MAGI1: variants seen among roughly 807,000 people sequenced by gnomAD.
MAGI1 encodes the protein membrane associated guanylate kinase, WW and PDZ domain containing 1, also known as membrane-associated guanylate kinase, WW and PDZ domain-containing protein 1.
In MAGI1, 58 loss-of-function variants were observed where a neutral mutation model predicts 139.9. The observed-to-expected ratio is 0.41, with a 90% confidence interval of 0.34 to 0.52. The LOEUF (loss-of-function observed/expected upper bound fraction) is 0.52, where lower values mean the gene tolerates loss of function less well. MAGI1 is among the 20% of genes least tolerant of loss of function. The probability of loss-of-function intolerance (pLI) is 0.12; values close to 1 mark genes in which losing one functional copy is unlikely to be tolerated. For missense variants in MAGI1, 1,874 were observed against 1,901.6 expected (o/e 0.99, Z 0.27); for synonymous variants, 812 against 737.9 (o/e 1.10, Z -1.63).
chr3:65,979,765 T>C (rs2065470170), intron 1 of MAGI1, among the ~76,000 whole-genome samples: 1 of 152,168 alleles, frequency 6.6e-6, no homozygotes, highest in African/African-American at 2.4e-5. Context: ...TAATAGGACA[T>C]GCCAATTACT....
chr3:66,011,134 ACCTTT>A (rs1488102238), intron 1 of MAGI1, among the ~76,000 whole-genome samples: 1 of 152,162 alleles, frequency 6.6e-6, no homozygotes, highest in Non-Finnish European at 1.5e-5. Flanking sequence ...AAAAGAATTT[ACCTTT>A]CCTTTCAACT....
intron 1 of MAGI1, among the ~76,000 whole-genome samples, chr3:65,960,605 T>C (rs1378044798): frequency 1.3e-5 from 2 of 152,178 alleles, no homozygotes; most frequent in Non-Finnish European, 2.9e-5. Flanking sequence ...AAGTGCGTAA[T>C]CCTAATTTAA....
rs145193678 is a variant in MAGI1 at position 65,563,694 on chromosome 3, C to G, written c.430+58278G>C. ...GAACCCAGACTTAGCCACTTAGTAG[C>G]AGAGTAACCCTGGGTAAGGTTACTC... On this transcript the variant is annotated intron_variant, in intron 2 of 22. Transcript: ENST00000402939. Among the ~76,000 whole-genome samples the G allele has an allele frequency of 6.4e-3, 972 of 152,208 alleles. 11 individuals are homozygous for G. The highest frequency in any genetic ancestry group is 0.022 in the African/African-American group (934 of 41,544).
At chr3:65,408,736 G>C (rs1247918344) in intron 12 of MAGI1, among the ~76,000 whole-genome samples, 1 of 152,138 alleles carries the variant, frequency 6.6e-6, no homozygotes, top group Admixed American at 6.5e-5. Context: ...CCAATAAAAA[G>C]CTAACGACAG....
At chr3:65,855,620 A>AGAGAGGGGAGGGGAGAGGGGAGGG (rs1559946806) in intron 1 of MAGI1, among the ~76,000 whole-genome samples, 6 of 6,898 alleles carry the variant, frequency 8.7e-4, no homozygotes, top group Admixed American at 2.0e-3. Context: ...GATGGGGAGG[A>AGAGAGGGGAGGGGAGAGGGGAGGG]GAGAGGGGAG....
At chr3:65,437,620 G>A (rs578199603) in intron 9 of MAGI1, among the ~76,000 whole-genome samples, 1 of 152,208 alleles carries the variant, frequency 6.6e-6, no homozygotes, top group African/African-American at 2.4e-5. Context: ...GCTTGTCTTA[G>A]GTAGGGAGGA....
intron 2 of MAGI1, among the ~76,000 whole-genome samples, chr3:65,605,882 C>T (rs1246227060): frequency 6.6e-6 from 1 of 152,092 alleles, no homozygotes; most frequent in Non-Finnish European, 1.5e-5. Context: ...CCACTTCTAC[C>T]CACAACCCAG....
At chr3:65,778,939 G>T (rs893086715) in intron 1 of MAGI1, among the ~76,000 whole-genome samples, 3 of 152,152 alleles carry the variant, frequency 2.0e-5, no homozygotes, top group African/African-American at 4.8e-5. Context: ...AATTAGGAAG[G>T]TGCTAGTGTC....
chr3:65,563,962 G>A (rs147957259), intron 2 of MAGI1, among the ~76,000 whole-genome samples: 1 of 152,124 alleles, frequency 6.6e-6, no homozygotes, highest in East Asian at 1.9e-4. Context: ...CTGGCACATG[G>A]GAAATACTTA....
chr3:65,459,579 C>T (rs1183966218), intron 5 of MAGI1, among the ~76,000 whole-genome samples: 2 of 152,132 alleles, frequency 1.3e-5, no homozygotes, highest in Non-Finnish European at 2.9e-5. Context: ...TTTATTTCTT[C>T]CTTTTCAATC....
At chr3:65,800,319 G>C (rs1050960132) in intron 1 of MAGI1, among the ~76,000 whole-genome samples, 2 of 152,194 alleles carry the variant, frequency 1.3e-5, no homozygotes, top group Non-Finnish European at 2.9e-5. Flanking sequence ...AGCAAGCAAA[G>C]TTTTAGGGGT....
chr3:65,391,543 A>G lies in MAGI1; in HGVS notation c.2200-185T>C, dbSNP rs1450473356. 3.3e-5 allele frequency among the ~76,000 whole-genome samples: 5 copies of G among 152,166 alleles called. No homozygotes were observed. In the East Asian group the frequency reaches 7.7e-4, roughly 23 times the overall value. ...TAAATCCCCAGGTGACTGGCAGACAAACAGAGGGGTGGGCCAGATAGGAAG... is the reference window on the plus strand; with the variant it reads ...TAAATCCCCAGGTGACTGGCAGACAGACAGAGGGGTGGGCCAGATAGGAAG... On this transcript the variant is annotated intron_variant, in intron 13 of 22. Coordinates refer to ENST00000402939, the MANE Select transcript of MAGI1 (RefSeq NM_001033057.2).
At chr3:65,678,012 G>A (rs1278683503) in intron 1 of MAGI1, among the ~76,000 whole-genome samples, 1 of 152,350 alleles carries the variant, frequency 6.6e-6, no homozygotes, top group African/African-American at 2.4e-5. Context: ...ATGAGTTCAT[G>A]TCCTTTGCAG....
chr3:65,568,062 T>A (rs1181554779), intron 2 of MAGI1, among the ~76,000 whole-genome samples: 1 of 152,130 alleles, frequency 6.6e-6, no homozygotes, highest in Non-Finnish European at 1.5e-5. Context: ...AGCACAGTCC[T>A]AAGGGAATCT....
chr3:65,721,640 G>T (rs1206021004), intron 1 of MAGI1, among the ~76,000 whole-genome samples: 3 of 152,138 alleles, frequency 2.0e-5, no homozygotes, highest in Non-Finnish European at 4.4e-5. Context: ...GGATGCCTCT[G>T]GGTGTTGGGA....
At chr3:65,358,324 G>A (rs1264460489) in intron 22 of MAGI1, among the ~76,000 whole-genome samples, 1 of 152,132 alleles carries the variant, frequency 6.6e-6, no homozygotes, top group Non-Finnish European at 1.5e-5. Flanking sequence ...CTGCAGTCTG[G>A]AGGGCAGACT....
At chr3:65,754,761 T>G (rs1164286694) in intron 1 of MAGI1, among the ~76,000 whole-genome samples, 1 of 152,198 alleles carries the variant, frequency 6.6e-6, no homozygotes, top group Non-Finnish European at 1.5e-5. Context: ...TGGCAACATC[T>G]TAGCCAACCA....
At chr3:65,509,989 C>A (rs1400055355) in intron 2 of MAGI1, among the ~76,000 whole-genome samples, 2 of 150,942 alleles carry the variant, frequency 1.3e-5, no homozygotes, top group African/African-American at 4.8e-5. Flanking sequence ...CAAGTGGGTC[C>A]CTGACCCCTG....
chr3:65,509,813 A>T (rs1375284602), intron 2 of MAGI1, among the ~76,000 whole-genome samples: 2 of 152,088 alleles, frequency 1.3e-5, no homozygotes, highest in African/African-American at 4.8e-5. Context: ...CAGCTCAAGG[A>T]GGCCTGCCTG....
Sources: allele counts gnomAD v4.1 joint callset (sites outside exome capture counted in the v4.1 genomes callset), GRCh38; gene constraint gnomAD v4.1.1; transcripts MANE v1.5; gene names NCBI Gene and HGNC (gene_info 2026-07-23, HGNC 2026-07-21).